Variants in PIN1 observed in about 807,000 individuals in gnomAD.
PIN1 encodes peptidyl-prolyl cis-trans isomerase NIMA-interacting 1.
A neutral mutation model predicts 19.9 loss-of-function variants in PIN1; 8 were observed. The ratio of observed to expected loss-of-function variants is 0.40; its 90% CI spans 0.24 to 0.72. The LOEUF is 0.72. PIN1 is among the 30% of genes least tolerant of loss of function. The probability of loss-of-function intolerance (pLI) is 0.37; values close to 1 mark genes in which losing one functional copy is unlikely to be tolerated. For missense variants in PIN1, 185 were observed against 226.5 expected, an observed-to-expected ratio of 0.82 and a Z score of 1.18; for synonymous variants, 86 against 90.8, an observed-to-expected ratio of 0.95 and a Z score of 0.30.
chr19:9,838,491 C>G lies in PIN1; in HGVS notation c.114C>G (p.Ser38Arg), dbSNP rs564240939. The change falls in exon 2 of 4, where the codon AGC becomes AGG. Residue 38 changes from serine (S) to arginine (R), a missense_variant. Physicochemically the swap from Ser to Arg is moderately radical, Grantham distance 110. Coordinates refer to ENST00000247970, the MANE Select transcript of PIN1 (RefSeq NM_006221.4). This position sits in a 1 kb window ranked among gnomAD's most constrained non-coding sequence, Gnocchi z 5.8. Reference protein sequence around the residue: ...ITNASQWERPSGNSSSGGKNG... With the variant: ...ITNASQWERPRGNSSSGGKNG... ...ACGCCAGCCAGTGGGAGCGGCCCAGCGGCAACAGCAGCAGTGGTGGCAAAA... is the reference window on the plus strand; with the variant it reads ...ACGCCAGCCAGTGGGAGCGGCCCAGGGGCAACAGCAGCAGTGGTGGCAAAA... The G allele has an allele frequency of 6.2e-7, 1 of 1,608,900 alleles. No homozygotes were observed. The highest frequency in any genetic ancestry group is 1.1e-5 in the South Asian group (1 of 89,882).
chr19:9,843,617 C>G (rs2046190476), intron 2 of PIN1, among the ~76,000 whole-genome samples: 1 of 152,200 alleles, frequency 6.6e-6, no homozygotes, highest in Non-Finnish European at 1.5e-5. Flanking sequence ...AATCCAGGTT[C>G]CCTCAGATTC....
intron 1 of PIN1, chr19:9,836,810 G>A: frequency 3.1e-6 from 4 of 1,286,250 alleles, no homozygotes; most frequent in Non-Finnish European, 4.0e-6. Flanking sequence ...TCCCCTGTGT[G>A]TGCCTGGAAC....
Position 9,838,637 on chromosome 19 carries a change from A to G in PIN1, c.260A>G (p.Glu87Gly). ...KITRTKEEALELINGYIQKIK... is the reference protein window; with the variant it reads ...KITRTKEEALGLINGYIQKIK... ...ACCCGGACCAAGGAGGAGGCCCTGG[A>G]GCTGATCAACGGTGAGCAGGGCGAG... The change falls in exon 2 of 4, where the codon GAG becomes GGG. Residue 87 changes from glutamate to glycine, a missense_variant. By Grantham distance (98) the Glu-to-Gly change is moderately conservative. Transcript: ENST00000247970. The surrounding 1 kb of genome is among the most constrained non-coding windows in gnomAD (Gnocchi z 5.8). The G allele has an allele frequency of 1.3e-6, 2 of 1,544,396 alleles. No homozygotes were observed. The highest frequency in any genetic ancestry group is 1.7e-6 in the Non-Finnish European group (2 of 1,146,854).
Position 9,835,374 on chromosome 19 carries a change from C to T in PIN1, c.30C>T (p.Gly10=), listed in dbSNP as rs1331432853. 4 of 1,519,502 alleles carry T rather than the reference C, an allele frequency of 2.6e-6. No individual in the cohort carries two copies. The highest frequency in any genetic ancestry group is 3.5e-6 in the Non-Finnish European group (4 of 1,140,442). 94.1% of individuals were successfully genotyped at this position (1,519,502 alleles called of 1,614,324 possible). A position where few individuals can be genotyped will look rare whatever the true frequency, so the allele number is the denominator to read the frequency against. Residue 10 remains glycine, a synonymous_variant, in exon 1 of 4, where the codon GGC becomes GGT. Coordinates refer to ENST00000247970, the MANE Select transcript of PIN1 (RefSeq NM_006221.4). The stretch of plus-strand genomic sequence containing the variant: ...CGGACGAGGAGAAGCTGCCGCCCGG[C>T]TGGGAGAAGCGCATGAGCCGCAGCT... MADEEKLPP[G]WEKRMSRSSG... is the part of the protein sequence containing the mutation.
intron 3 of PIN1, 96 bp downstream of exon 3, chr19:9,848,236 A>G (rs1568362241): frequency 2.7e-6 from 2 of 750,030 alleles, no homozygotes; most frequent in Non-Finnish European, 4.7e-6. Flanking sequence ...CAGGTGCCAC[A>G]CCGGCCTTCG....
chr19:9,844,762 G>T (rs1372160263), intron 2 of PIN1, among the ~76,000 whole-genome samples: 1 of 152,234 alleles, frequency 6.6e-6, no homozygotes, highest in Non-Finnish European at 1.5e-5. Flanking sequence ...CGCAGCCTGA[G>T]TTTCAGGCAG....
Position 9,849,371 on chromosome 19 carries a change from C to T in PIN1, c.*172C>T. 1.4e-6 allele frequency: 1 copy of T among 711,462 alleles called. No individual in the cohort carries two copies. Among genetic ancestry groups the T allele is most frequent in the Non-Finnish European group, 2.6e-6 (1 of 390,850 alleles). 44.1% of individuals were successfully genotyped at this position (711,462 alleles called of 1,614,324 possible). ...CCTTCCAGATTGGGGGCCCTGGGGT[C>T]CCCACTCCCTGTCCATCCCCAGTTG... is the stretch of plus-strand genomic sequence containing the variant. On this transcript the variant is annotated 3_prime_UTR_variant, in exon 4 of 4. Transcript: ENST00000247970.
At position 9,835,354 on chromosome 19, in the gene PIN1, G is replaced by A. The variant is rs1403371262; in HGVS notation, c.10G>A (p.Glu4Lys). 5 of 1,523,898 alleles carry A rather than the reference G, an allele frequency of 3.3e-6. No homozygotes were observed. Among genetic ancestry groups the A allele is most frequent in the Admixed American group, 2.0e-5 (1 of 50,242 alleles). The allele number at this position is 1,523,898 out of a possible 1,614,324, so 94.4% of individuals were successfully genotyped here. MAD[E>K]EKLPPGWEKR... The stretch of plus-strand genomic sequence containing the variant: ...TGCGGCAGGAGGGAAGATGGCGGAC[G>A]AGGAGAAGCTGCCGCCCGGCTGGGA... Residue 4 changes from glutamate (E) to lysine (K), a missense_variant, in exon 1 of 4, where the codon GAG becomes AAG. Coordinates refer to ENST00000247970, the MANE Select transcript of PIN1 (RefSeq NM_006221.4).
rs148868548 is a variant in PIN1, at chr19:9,838,717, C to T, written c.271+69C>T. The T allele has an allele frequency of 3.1e-3, 4,038 of 1,288,448 alleles. 15 individuals carry two copies. Among genetic ancestry groups the T allele is most frequent in the Non-Finnish European group, 4.0e-3 (3,747 of 930,742 alleles). 79.8% of individuals were successfully genotyped at this position (1,288,448 alleles called of 1,614,324 possible). ...AGGTGAGCCTTTGTAGAAGTCACAT[C>T]AGACCCTTCACCCCAGCTTGCTCAG... is the stretch of plus-strand genomic sequence containing the variant. On this transcript the variant is annotated intron_variant, in intron 2 of 3. Transcript: ENST00000247970. The surrounding 1 kb of genome is among the most constrained non-coding windows in gnomAD (Gnocchi z 5.8).
At chr19:9,843,344 C>T (rs1214856438) in intron 2 of PIN1, among the ~76,000 whole-genome samples, 1 of 152,280 alleles carries the variant, frequency 6.6e-6, no homozygotes, top group East Asian at 1.9e-4. Flanking sequence ...ACCCTGTCAC[C>T]TCTTTCCCCG....
rs1452289770 is a variant in PIN1, at chr19:9,848,084, A to G, written c.326A>G (p.Gln109Arg). Residue 109 changes from glutamine to arginine, a missense_variant, in exon 3 of 4, where the codon CAG (glutamine) becomes CGG (arginine). Coordinates refer to ENST00000247970, the MANE Select transcript of PIN1 (RefSeq NM_006221.4). ...GAGGACTTTGAGTCTCTGGCCTCAC[A>G]GTTCAGCGACTGCAGCTCAGCCAAG... The part of the protein sequence containing the change: ...GEEDFESLAS[Q>R]FSDCSSAKAR... The G allele has an allele frequency of 1.2e-6, 2 of 1,613,768 alleles. No homozygotes were observed. Among genetic ancestry groups the G allele is most frequent in the Admixed American group, 3.3e-5 (2 of 60,018 alleles).
chr19:9,849,461 C>A lies in PIN1; in HGVS notation c.*262C>A, dbSNP rs2046254073. On this transcript the variant is annotated 3_prime_UTR_variant, in exon 4 of 4. Coordinates refer to ENST00000247970, the MANE Select transcript of PIN1 (RefSeq NM_006221.4). ...CAGCAGGGGTGGGAGGCTCCCAGACCCAGGGCAGTGTGGTGGGAGGGGTGT... is the reference window on the plus strand; with the variant it reads ...CAGCAGGGGTGGGAGGCTCCCAGACACAGGGCAGTGTGGTGGGAGGGGTGT... 1 of 722,940 alleles carries A rather than the reference C, an allele frequency of 1.4e-6. No homozygotes were observed. The allele number at this position is 722,940 out of a possible 1,614,324, so 44.8% of individuals were successfully genotyped here.
At chr19:9,836,914 T>C (rs1457572114) in intron 1 of PIN1, 11 of 1,158,602 alleles carry the variant, frequency 9.5e-6, no homozygotes, top group Non-Finnish European at 8.0e-6. Flanking sequence ...ATAGAGATAA[T>C]AAAGGCTATC....
At chr19:9,842,730 G>A (rs1359503778) in intron 2 of PIN1, among the ~76,000 whole-genome samples, 1 of 152,228 alleles carries the variant, frequency 6.6e-6, no homozygotes, top group Non-Finnish European at 1.5e-5. Flanking sequence ...GGTACACTCG[G>A]TAACAGATCA....
At chr19:9,841,030 T>G (rs556445842) in intron 2 of PIN1, among the ~76,000 whole-genome samples, 94 of 152,368 alleles carry the variant, frequency 6.2e-4, no homozygotes, top group African/African-American at 2.2e-3. Flanking sequence ...CTGTCATTGT[T>G]AGTGGTCACT....
chr19:9,840,381 C>T (rs560245382), intron 2 of PIN1, among the ~76,000 whole-genome samples: 12 of 152,106 alleles, frequency 7.9e-5, no homozygotes, highest in Admixed American at 6.5e-4. Context: ...AGCGAGACTC[C>T]GTCTCAAAAA....
intron 1 of PIN1, 33 bp downstream of exon 1, chr19:9,835,435 C>T (rs776310869): frequency 1.9e-5 from 27 of 1,400,968 alleles, no homozygotes; most frequent in Middle Eastern, 2.5e-4. Context: ...GGCGGGACTG[C>T]GCGGGCCCGC....
At chr19:9,842,459 C>G (rs1329359718) in intron 2 of PIN1, among the ~76,000 whole-genome samples, 1 of 152,152 alleles carries the variant, frequency 6.6e-6, no homozygotes, top group Non-Finnish European at 1.5e-5. Context: ...CACGGTGGAG[C>G]CTCAGCCCCA....
At chr19:9,847,987 C>T (rs571699083) in intron 2 of PIN1, 43 bp from the exon 3 acceptor site, 7 of 1,301,098 alleles carry the variant, frequency 5.4e-6, no homozygotes, top group Middle Eastern at 1.8e-4. Flanking sequence ...CAGGCCCCCC[C>T]CAACCCCTGA....
Sources: allele counts gnomAD v4.1 joint callset (sites outside exome capture counted in the v4.1 genomes callset), GRCh38; gene constraint gnomAD v4.1.1; non-coding constraint Gnocchi (gnomAD v3.1); transcripts MANE v1.5; gene names NCBI Gene and HGNC (gene_info 2026-07-23, HGNC 2026-07-21).